ELP2: variants seen among roughly 807,000 people sequenced by gnomAD.
ELP2 encodes the protein elongator acetyltransferase complex subunit 2.
ELP2 carries 90 observed loss-of-function variants against 119.2 expected under a neutral mutation model. The observed-to-expected ratio is 0.75, with a 90% CI of 0.64 to 0.90. ELP2 has a LOEUF of 0.90. ELP2 is among the 40% of genes least tolerant of loss of function. The pLI is 0.00. For synonymous variants in ELP2, 339 were observed against 331.0 expected, an observed-to-expected ratio of 1.02 and a Z score of -0.26; for missense variants, 921 against 967.8, an observed-to-expected ratio of 0.95 and a Z score of 0.64.
Position 36,138,873 on chromosome 18 carries a change from G to GTATT in ELP2, c.523+2_523+3insATTT. On this transcript the variant is annotated splice_donor_variant, in intron 5 of 21. Coordinates refer to ENST00000358232, the MANE Select transcript of ELP2 (RefSeq NM_018255.4). LOFTEE classifies it high-confidence loss of function. ...TTATCTTTTTTGCCAAATACTGATG[G>GTATT]TGAGTATCCTGTTAAGTATATGTTA... 6.2e-7 allele frequency: 1 copy of GTATT among 1,611,052 alleles called. No homozygotes were observed. Among genetic ancestry groups the GTATT allele is most frequent in the Non-Finnish European group, 8.5e-7 (1 of 1,177,464 alleles).
intron 19 of ELP2, among the ~76,000 whole-genome samples, chr18:36,168,702 G>C (rs2090979478): frequency 6.6e-6 from 1 of 152,010 alleles, no homozygotes; most frequent in Admixed American, 6.6e-5. Flanking sequence ...ATGAGATTTG[G>C]GTGGGGACAC....
intron 12 of ELP2, among the ~76,000 whole-genome samples, chr18:36,155,263 C>CG (rs2090534464): frequency 2.1e-5 from 1 of 47,000 alleles, no homozygotes; most frequent in Admixed American, 2.2e-4. Flanking sequence ...TGCACCGCCC[C>CG]TCCCCCCCCC....
Position 36,142,814 on chromosome 18 carries a change from T to C in ELP2, c.656-12T>C, listed in dbSNP as rs573556381. On this transcript the variant is annotated splice_polypyrimidine_tract_variant and intron_variant, in intron 7 of 21. Coordinates refer to ENST00000358232, the MANE Select transcript of ELP2 (RefSeq NM_018255.4). ...AATGTTTTAAAATTAATACAACTTATTTTTTAATTAGGTAGAGATCTTTTC... is the reference window on the plus strand; with the variant it reads ...AATGTTTTAAAATTAATACAACTTACTTTTTAATTAGGTAGAGATCTTTTC... 9 of 1,571,920 alleles carry C rather than the reference T, an allele frequency of 5.7e-6. 1 individual carries two copies. In the South Asian group the frequency reaches 1.0e-4, roughly 18 times the overall value.
rs776891738 is a variant in ELP2 at position 36,133,249 on chromosome 18, T to C, written c.150T>C (p.Val50=). ...VVLYDPLKRV[V]VTNLNGHTAR... is the part of the protein sequence containing the mutation. ...TTTCTTCTCTAAAGAAAAGGGTTGTTGTTACCAACTTGAATGGTCACACCG... is the reference window on the plus strand; with the variant it reads ...TTTCTTCTCTAAAGAAAAGGGTTGTCGTTACCAACTTGAATGGTCACACCG... The change falls in exon 2 of 22, where the codon GTT becomes GTC. Residue 50 remains valine, a synonymous_variant. Coordinates refer to ENST00000358232, the MANE Select transcript of ELP2 (RefSeq NM_018255.4). The C allele has an allele frequency of 3.1e-6, 5 of 1,613,160 alleles. No individual in the cohort carries two copies. The highest frequency in any genetic ancestry group is 2.2e-5 in the South Asian group (2 of 91,064).
rs79167661 is a variant in ELP2 at position 36,163,330 on chromosome 18, A to G, written c.1762-1145A>G. ...CCACATTTTAAAAATCCAATTATCC[A>G]TTGATGGACACTGAACAGTTTTTTA... On this transcript the variant is annotated intron_variant, in intron 17 of 21. Coordinates refer to ENST00000358232, the MANE Select transcript of ELP2 (RefSeq NM_018255.4). Among the ~76,000 whole-genome samples, 900 of 148,468 alleles carry G rather than the reference A, an allele frequency of 6.1e-3. 8 individuals are homozygous for G. Among genetic ancestry groups the G allele is most frequent in the African/African-American group, 0.021 (848 of 40,952 alleles).
chr18:36,166,424 G>A (rs1013594442), intron 18 of ELP2, among the ~76,000 whole-genome samples: 2 of 141,892 alleles, frequency 1.4e-5, no homozygotes, highest in African/African-American at 5.3e-5. Context: ...TCCGCCTCCT[G>A]GGTTCAAGTG....
rs1280325280 is a variant in ELP2, at chr18:36,154,857, G to T, written c.1133G>T (p.Trp378Leu). The stretch of plus-strand genomic sequence containing the variant: ...TGAGCACTTCCATTGCAGAGAGAGT[G>T]GACTCCAGAGATTGTCATTTCAGGA... Reference protein sequence around the residue: ...WKQNTVNPREWTPEIVISGHF... With the variant: ...WKQNTVNPRELTPEIVISGHF... Residue 378 changes from tryptophan to leucine, a missense_variant, in exon 12 of 22, where the codon TGG (tryptophan) becomes TTG (leucine). Physicochemically the swap from Trp to Leu is moderately conservative, Grantham distance 61. Coordinates refer to ENST00000358232, the MANE Select transcript of ELP2 (RefSeq NM_018255.4). 2 of 1,613,922 alleles carry T rather than the reference G, an allele frequency of 1.2e-6. No homozygotes were observed. Among genetic ancestry groups the T allele is most frequent in the African/African-American group, 2.7e-5 (2 of 74,890 alleles).
chr18:36,143,098 CT>C (rs2090088101), intron 8 of ELP2, 132 bp downstream of exon 8: 10 of 665,034 alleles, frequency 1.5e-5, no homozygotes, highest in Middle Eastern at 7.2e-4. Flanking sequence ...TTTCTTTTTT[CT>C]TTCTTTTTTT....
chr18:36,136,262 A>G, intron 2 of ELP2, 45 bp from the exon 3 acceptor site: 1 of 1,469,632 alleles, frequency 6.8e-7, no homozygotes, highest in Non-Finnish European at 9.5e-7. Context: ...TAAAAATTGC[A>G]GAAAAAATGA....
Position 36,177,735 on chromosome 18 carries a change from T to A in ELP2, c.*3094T>A, listed in dbSNP as rs1018749498. On this transcript the variant is annotated 3_prime_UTR_variant, in exon 22 of 22. Transcript: ENST00000358232. ...GTACTAAAAAAAAAGTGCTCCAAAG[T>A]AAGATATATTTGGGAAACACAGGGA... The A allele has an allele frequency of 6.6e-6, 1 of 152,148 alleles. No homozygotes were observed. Among genetic ancestry groups the A allele is most frequent in the Admixed American group, 6.6e-5 (1 of 15,266 alleles). 9.4% of individuals were successfully genotyped at this position (152,148 alleles called of 1,614,324 possible). A position where few individuals can be genotyped will look rare whatever the true frequency, so the allele number is the denominator to read the frequency against.
At chr18:36,153,292 A>G (rs2090460445) in intron 11 of ELP2, among the ~76,000 whole-genome samples, 1 of 152,210 alleles carries the variant, frequency 6.6e-6, no homozygotes, top group Admixed American at 6.5e-5. Flanking sequence ...ACACAGCTGC[A>G]GCTTCATACC....
chr18:36,138,511 T>G, intron 4 of ELP2, 85 bp downstream of exon 4: 2 of 1,446,944 alleles, frequency 1.4e-6, no homozygotes, highest in Non-Finnish European at 9.5e-7. Flanking sequence ...ATATAATTCT[T>G]TACAACTTTG....
At position 36,157,442 on chromosome 18, in the gene ELP2, T is replaced by G. The variant is rs567291375; in HGVS notation, c.1464+788T>G. On this transcript the variant is annotated intron_variant, in intron 13 of 21. Transcript: ENST00000358232. The stretch of plus-strand genomic sequence containing the variant: ...GAGAGAGCAAAGGGGAGGCCAGAGC[T>G]ATTGTGGTACCTGTTGGACTGAAGA... 3.3e-5 allele frequency among the ~76,000 whole-genome samples: 5 copies of G among 152,144 alleles called. No individual in the cohort carries two copies. In the South Asian group the frequency reaches 6.2e-4, roughly 19 times the overall value.
At chr18:36,143,905 T>C (rs984142638) in intron 8 of ELP2, among the ~76,000 whole-genome samples, 1 of 152,238 alleles carries the variant, frequency 6.6e-6, no homozygotes, top group Non-Finnish European at 1.5e-5. Flanking sequence ...TTACACATTT[T>C]ATTGGCCTAT....
At chr18:36,130,278 C>T (rs951565757) in intron 1 of ELP2, among the ~76,000 whole-genome samples, 2 of 152,206 alleles carry the variant, frequency 1.3e-5, no homozygotes, top group Admixed American at 6.5e-5. Context: ...GTGGCGTCAT[C>T]CTAGGGTCAT....
chr18:36,173,492 G>A (rs2091143113), intron 21 of ELP2, among the ~76,000 whole-genome samples: 1 of 152,200 alleles, frequency 6.6e-6, no homozygotes, highest in Admixed American at 6.5e-5. Context: ...AGCTATCACT[G>A]AGAGTACTCA....
intron 11 of ELP2, among the ~76,000 whole-genome samples, chr18:36,154,095 A>C (rs2090489463): frequency 6.8e-6 from 1 of 146,236 alleles, no homozygotes; most frequent in South Asian, 2.2e-4. Context: ...GGCCAGACAT[A>C]ATATAGTTTA....
At chr18:36,172,535 C>G (rs1391842483) in intron 21 of ELP2, among the ~76,000 whole-genome samples, 1 of 152,196 alleles carries the variant, frequency 6.6e-6, no homozygotes, top group African/African-American at 2.4e-5. Context: ...TGCCATGCCC[C>G]CATGGCTTCT....
intron 18 of ELP2, 46 bp downstream of exon 18, chr18:36,164,713 T>G (rs556316309): frequency 1.8e-5 from 29 of 1,571,482 alleles, no homozygotes; most frequent in African/African-American, 2.7e-5. Flanking sequence ...AACAGTTATG[T>G]TCATTTTATC....
Sources: allele counts gnomAD v4.1 joint callset (sites outside exome capture counted in the v4.1 genomes callset), GRCh38; gene constraint gnomAD v4.1.1; transcripts MANE v1.5; gene names NCBI Gene and HGNC (gene_info 2026-07-23, HGNC 2026-07-21).